Variants in CSMD3 observed in about 807,000 individuals in gnomAD.
CSMD3 encodes the protein CUB and Sushi multiple domains 3.
Under a neutral mutation model 435.2 loss-of-function variants are expected in CSMD3, and 177 were observed. The ratio of observed to expected loss-of-function variants is 0.41; its 90% CI spans 0.36 to 0.46. The LOEUF (loss-of-function observed/expected upper bound fraction) is 0.46, where lower values mean the gene tolerates loss of function less well. Ranked by LOEUF, CSMD3 falls within the 20% of genes least tolerant of loss-of-function variation. The pLI, the probability that CSMD3 is intolerant of heterozygous loss-of-function variation, is 0.34. For synonymous variants in CSMD3, 1,656 were observed against 1,520.5 expected, an observed-to-expected ratio of 1.09 and a Z score of -2.07; for missense variants, 4,265 against 4,504.6, an observed-to-expected ratio of 0.95 and a Z score of 1.52.
chr8:112,827,766 G>C lies in CSMD3; in HGVS notation c.1859+1920C>G, dbSNP rs192569255. 6.6e-3 allele frequency among the ~76,000 whole-genome samples: 1,007 copies of C among 152,220 alleles called. 43 individuals carry two copies. Among genetic ancestry groups the C allele is most frequent in the Admixed American group, 0.062 (942 of 15,286 alleles). On this transcript the variant is annotated intron_variant, in intron 12 of 70. Transcript: ENST00000297405. ...ATCAGGTGTCACTTAATTAGCTATA[G>C]GCCCAGGCAGGCAACGCAAAGGATC...
At chr8:112,683,263 G>A (rs1179885079) in intron 15 of CSMD3, among the ~76,000 whole-genome samples, 1 of 151,966 alleles carries the variant, frequency 6.6e-6, no homozygotes, top group Non-Finnish European at 1.5e-5. Flanking sequence ...TAGCTGATGA[G>A]GAAAGTATTG....
intron 22 of CSMD3, among the ~76,000 whole-genome samples, chr8:112,590,929 T>C (rs1831133336): frequency 1.3e-5 from 2 of 152,194 alleles, no homozygotes; most frequent in South Asian, 2.1e-4. Flanking sequence ...ATAATAAGGA[T>C]TTCCTACAAA....
chr8:112,639,891 A>G (rs757261155), intron 20 of CSMD3, among the ~76,000 whole-genome samples: 2 of 152,166 alleles, frequency 1.3e-5, no homozygotes, highest in Non-Finnish European at 2.9e-5. Flanking sequence ...ACAGCCATGA[A>G]CATTTATCTT....
chr8:112,834,246 T>G (rs959708731), intron 11 of CSMD3, among the ~76,000 whole-genome samples: 2 of 151,914 alleles, frequency 1.3e-5, no homozygotes, highest in Admixed American at 6.6e-5. Flanking sequence ...TTTTAGACAC[T>G]TAATAATTCT....
intron 5 of CSMD3, among the ~76,000 whole-genome samples, chr8:113,036,613 C>T (rs2087363600): frequency 6.6e-6 from 1 of 152,162 alleles, no homozygotes; most frequent in Non-Finnish European, 1.5e-5. Flanking sequence ...AGAAAAGGTG[C>T]AATTCAATCC....
intron 1 of CSMD3, among the ~76,000 whole-genome samples, chr8:113,396,811 A>G (rs1000907510): frequency 2.8e-4 from 42 of 152,226 alleles, no homozygotes; most frequent in African/African-American, 8.7e-4. Flanking sequence ...ATCACAGTTT[A>G]TTCATTTATA....
intron 3 of CSMD3, among the ~76,000 whole-genome samples, chr8:113,224,853 C>T (rs2093008840): frequency 6.6e-6 from 1 of 150,606 alleles, no homozygotes; most frequent in Non-Finnish European, 1.5e-5. Flanking sequence ...TTAAGTTCAT[C>T]TAAGAGGTAT....
At chr8:112,254,915 T>G (rs1815635867) in intron 62 of CSMD3, among the ~76,000 whole-genome samples, 1 of 152,090 alleles carries the variant, frequency 6.6e-6, no homozygotes, top group Admixed American at 6.6e-5. Context: ...TAGATATTTT[T>G]GGAGCAAATC....
chr8:113,161,968 G>C (rs2092049281), intron 4 of CSMD3, among the ~76,000 whole-genome samples: 1 of 151,896 alleles, frequency 6.6e-6, no homozygotes, highest in African/African-American at 2.4e-5. Flanking sequence ...CTGAATCCTA[G>C]AAAGTGATTT....
chr8:112,364,920 C>G (rs527302904), intron 38 of CSMD3, among the ~76,000 whole-genome samples: 21 of 152,182 alleles, frequency 1.4e-4, no homozygotes, highest in South Asian at 1.0e-3. Flanking sequence ...AACTTGAATA[C>G]TTCATGTGAG....
At chr8:112,693,313 T>C (rs1417539263) in intron 13 of CSMD3, among the ~76,000 whole-genome samples, 1 of 152,088 alleles carries the variant, frequency 6.6e-6, no homozygotes, top group Non-Finnish European at 1.5e-5. Context: ...CTAGGTTCAG[T>C]TTATTACTCT....
intron 32 of CSMD3, among the ~76,000 whole-genome samples, chr8:112,450,972 T>TA (rs1339200024): frequency 1.3e-5 from 2 of 152,192 alleles, no homozygotes; most frequent in Admixed American, 6.5e-5. Flanking sequence ...ATTACAATGA[T>TA]ATTTGCAAAA....
At chr8:112,541,395 A>G (rs1826647353) in intron 27 of CSMD3, among the ~76,000 whole-genome samples, 1 of 151,868 alleles carries the variant, frequency 6.6e-6, no homozygotes, top group Non-Finnish European at 1.5e-5. Context: ...AAAATGAGAT[A>G]AGACTAAAAT....
At chr8:112,626,706 T>A (rs1427600215) in intron 22 of CSMD3, among the ~76,000 whole-genome samples, 1 of 152,136 alleles carries the variant, frequency 6.6e-6, no homozygotes, top group Admixed American at 6.6e-5. Flanking sequence ...AATTCAGTTA[T>A]AAGCAGCGTT....
chr8:113,224,503 A>G (rs1197215879), intron 3 of CSMD3, among the ~76,000 whole-genome samples: 1 of 151,354 alleles, frequency 6.6e-6, no homozygotes, highest in Non-Finnish European at 1.5e-5. Flanking sequence ...TTGTATTTTC[A>G]TTTAATCTAC....
chr8:112,781,913 ATACT>A (rs1161108486), intron 13 of CSMD3, among the ~76,000 whole-genome samples: 1 of 152,184 alleles, frequency 6.6e-6, no homozygotes, highest in Non-Finnish European at 1.5e-5. Context: ...TAGTCACAAA[ATACT>A]TAATCACAAT....
In CSMD3 at chr8:112,912,140, C is replaced by T. The variant is rs868722129; in HGVS notation, c.1633+9487G>A. The stretch of plus-strand genomic sequence containing the variant: ...ATTATATATAAAACAATGGATGATT[C>T]TTCATTTGGTCATCCATTAATGGAT... On this transcript the variant is annotated intron_variant, in intron 10 of 70. Transcript: ENST00000297405. 4.0e-5 allele frequency among the ~76,000 whole-genome samples: 6 copies of T among 149,212 alleles called. 1 individual carries two copies. The highest frequency in any genetic ancestry group is 2.1e-4 in the South Asian group (1 of 4,760).
intron 3 of CSMD3, among the ~76,000 whole-genome samples, chr8:113,231,951 A>G (rs1247702645): frequency 6.6e-6 from 1 of 151,568 alleles, no homozygotes; most frequent in East Asian, 1.9e-4. Context: ...TCCCCAAAAA[A>G]TGAGTAAAAA....
At position 113,359,913 on chromosome 8, in the gene CSMD3, T is replaced by C. The variant is rs556439130; in HGVS notation, c.179-45120A>G. 3.3e-5 allele frequency among the ~76,000 whole-genome samples: 5 copies of C among 152,256 alleles called. No individual in the cohort carries two copies. The East Asian group carries it at 7.7e-4, about 24-fold the overall frequency. On this transcript the variant is annotated intron_variant, in intron 1 of 70. Transcript: ENST00000297405. ...AAATCAAACATGTGCAGCTTCAACA[T>C]GGGTAGGCTGCTGTGGACTAGCTTA...
Sources: allele counts gnomAD v4.1 joint callset (sites outside exome capture counted in the v4.1 genomes callset), GRCh38; gene constraint gnomAD v4.1.1; transcripts MANE v1.5; gene names NCBI Gene and HGNC (gene_info 2026-07-23, HGNC 2026-07-21).